ADAMTS14: variants seen among roughly 807,000 people sequenced by gnomAD.
The protein encoded by ADAMTS14 is A disintegrin and metalloproteinase with thrombospondin motifs 14.
In ADAMTS14, 100 loss-of-function variants were observed where a neutral mutation model predicts 128.6. The ratio of observed to expected loss-of-function variants is 0.78; its 90% confidence interval spans 0.66 to 0.92. The LOEUF (loss-of-function observed/expected upper bound fraction) is 0.92, where lower values mean the gene tolerates loss of function less well. ADAMTS14 is among the 40% of genes least tolerant of loss of function. The pLI, the probability that ADAMTS14 is intolerant of heterozygous loss-of-function variation, is 0.00. For synonymous variants in ADAMTS14, 665 were observed against 653.8 expected (o/e 1.02, Z -0.26); for missense variants, 1,562 against 1,658.6 (o/e 0.94, Z 1.01).
chr10:70,711,314 C>CA (rs983870435), intron 4 of ADAMTS14, among the ~76,000 whole-genome samples: 14 of 152,242 alleles, frequency 9.2e-5, no homozygotes, highest in East Asian at 1.9e-4. Flanking sequence ...GGTTCCCAGG[C>CA]AAAATCTCCC....
chr10:70,726,562 G>A lies in ADAMTS14; in HGVS notation c.871-2732G>A, dbSNP rs114035872. 2.8e-3 allele frequency among the ~76,000 whole-genome samples: 419 copies of A among 152,264 alleles called. 1 individual carries two copies. The highest frequency in any genetic ancestry group is 9.3e-3 in the African/African-American group (386 of 41,528). On this transcript the variant is annotated intron_variant, in intron 4 of 21. Transcript: ENST00000373207. ...CAGAGCGTGCATTGCCTGTGATCCT[G>A]TCCTTAGTCTGCTTATAGTGCACTC...
At chr10:70,698,335 G>A (rs11595345) in intron 2 of ADAMTS14, among the ~76,000 whole-genome samples, 29,317 of 152,176 alleles carry the variant, frequency 0.19, 3,523 homozygotes, top group Non-Finnish European at 0.27. Flanking sequence ...TGAGAGACGG[G>A]AGTACTTTAA....
intron 1 of ADAMTS14, among the ~76,000 whole-genome samples, chr10:70,674,081 T>A (rs1254188211): frequency 6.6e-6 from 1 of 151,946 alleles, no homozygotes; most frequent in Non-Finnish European, 1.5e-5. Flanking sequence ...GTCCCCTGGG[T>A]TTCTAGGTGT....
chr10:70,749,608 A>AGTGT (rs72483126), intron 15 of ADAMTS14, among the ~76,000 whole-genome samples: 5,413 of 147,814 alleles, frequency 0.037, 264 homozygotes, highest in Admixed American at 0.13. Flanking sequence ...AGGCAGCAAG[A>AGTGT]GTGTGTGTGT....
At chr10:70,729,398 G>T (rs773662072) in intron 5 of ADAMTS14, 21 bp downstream of exon 5, 1 of 1,604,928 alleles carries the variant, frequency 6.2e-7, no homozygotes. Flanking sequence ...TTGTCAGCAG[G>T]CAGGGTTTGC....
chr10:70,681,700 G>A (rs10999469), intron 2 of ADAMTS14, among the ~76,000 whole-genome samples: 34,471 of 152,126 alleles, frequency 0.23, 4,173 homozygotes, highest in Middle Eastern at 0.32. Context: ...GCTGCGGGTC[G>A]GCTCCACATT....
chr10:70,757,951 A>G lies in ADAMTS14; in HGVS notation c.2938-11A>G. On this transcript the variant is annotated splice_polypyrimidine_tract_variant and intron_variant, in intron 19 of 21. Coordinates refer to ENST00000373207, the MANE Select transcript of ADAMTS14 (RefSeq NM_080722.4). ...CGGCCGCTATGCCTGGCACTGACCC[A>G]CCCACGGCAGTGCTCTGCCACCTGT... 1 of 1,601,736 alleles carries G rather than the reference A, an allele frequency of 6.2e-7. No individual in the cohort carries two copies. The highest frequency in any genetic ancestry group is 8.5e-7 in the Non-Finnish European group (1 of 1,174,584).
chr10:70,722,733 T>C (rs10999485), intron 4 of ADAMTS14, among the ~76,000 whole-genome samples: 26,199 of 152,182 alleles, frequency 0.17, 2,750 homozygotes, highest in Non-Finnish European at 0.24. Context: ...ACCAAAGCTG[T>C]GACAATTTGA....
chr10:70,704,377 C>T (rs1005239188), intron 3 of ADAMTS14, among the ~76,000 whole-genome samples: 1 of 152,024 alleles, frequency 6.6e-6, no homozygotes. Context: ...CACACTGACA[C>T]CCACACTCAC....
At chr10:70,728,307 T>G (rs1228117546) in intron 4 of ADAMTS14, among the ~76,000 whole-genome samples, 1 of 152,244 alleles carries the variant, frequency 6.6e-6, no homozygotes, top group East Asian at 1.9e-4. Context: ...TGTACACACG[T>G]GGCATGATGC....
In ADAMTS14 at chr10:70,735,234, G is replaced by A; in HGVS notation, c.1418G>A (p.Gly473Glu). The part of the protein sequence containing the change: ...PAWPQPPELP[G>E]INYSMDEQCR... ...TGGCCCCAGCCCCCAGAGCTGCCTG[G>A]GATCAACTACTCAATGGATGAGCAG... Residue 473 changes from glycine (G) to glutamate (E), a missense_variant, in exon 9 of 22, where the codon GGG becomes GAG. Transcript: ENST00000373207. 15 of 1,614,064 alleles carry A rather than the reference G, an allele frequency of 9.3e-6. No individual in the cohort carries two copies. Among genetic ancestry groups the A allele is most frequent in the Non-Finnish European group, 1.3e-5 (15 of 1,179,984 alleles).
intron 19 of ADAMTS14, among the ~76,000 whole-genome samples, chr10:70,756,047 G>T (rs1404464956): frequency 1.3e-5 from 2 of 152,150 alleles, no homozygotes; most frequent in Admixed American, 6.5e-5. Flanking sequence ...CAAGAAAAAT[G>T]AACAGGCCTG....
chr10:70,707,611 G>A (rs537544942), intron 3 of ADAMTS14, among the ~76,000 whole-genome samples: 3 of 152,258 alleles, frequency 2.0e-5, no homozygotes, highest in South Asian at 2.1e-4. Flanking sequence ...TCTACGTGGC[G>A]GCATAGATGG....
chr10:70,684,467 T>C (rs76311542), intron 2 of ADAMTS14, among the ~76,000 whole-genome samples: 1 of 152,226 alleles, frequency 6.6e-6, no homozygotes, highest in East Asian at 1.9e-4. Flanking sequence ...TAAAGTCTCA[T>C]TGTAAAGAGA....
chr10:70,708,799 G>T (rs376240741), intron 4 of ADAMTS14, 21 bp downstream of exon 4: 2 of 1,505,252 alleles, frequency 1.3e-6, no homozygotes, highest in African/African-American at 1.4e-5. Context: ...ATGTGTCCTA[G>T]GACTTGGGGG....
rs1408637279 is a variant in ADAMTS14 at position 70,743,971 on chromosome 10, T to G, written c.2059-95T>G. The G allele has an allele frequency of 3.4e-6, 5 of 1,467,688 alleles. No homozygotes were observed. In the African/African-American group the frequency reaches 7.0e-5, roughly 21 times the overall value. 90.9% of individuals were successfully genotyped at this position (1,467,688 alleles called of 1,614,324 possible). ...AGGGACATCTCCCAGGCCAGAGGTC[T>G]TCTCCTGACCAGGGCCTGGGGATGG... On this transcript the variant is annotated intron_variant, in intron 13 of 21. Coordinates refer to ENST00000373207, the MANE Select transcript of ADAMTS14 (RefSeq NM_080722.4).
At chr10:70,735,448 C>A in intron 9 of ADAMTS14, 147 bp downstream of exon 9, 1 of 1,216,576 alleles carries the variant, frequency 8.2e-7, no homozygotes, top group Non-Finnish European at 1.1e-6. Flanking sequence ...AGCCACCATG[C>A]AGGGATGCAG....
rs79466507 is a variant in ADAMTS14 at position 70,754,325 on chromosome 10, C to A, written c.2937+318C>A. On this transcript the variant is annotated intron_variant, in intron 19 of 21. Transcript: ENST00000373207. Reference sequence around the variant, plus strand: ...GCTGAGCACTAGCTGTATGCCAGACCTTGTACTAAGAATGAGGGAACCTAG... The same window carrying A: ...GCTGAGCACTAGCTGTATGCCAGACATTGTACTAAGAATGAGGGAACCTAG... Among the ~76,000 whole-genome samples the A allele has an allele frequency of 3.3e-3, 500 of 152,300 alleles. 1 individual carries two copies. The highest frequency in any genetic ancestry group is 4.9e-3 in the Non-Finnish European group (331 of 68,028).
chr10:70,708,496 C>A, intron 3 of ADAMTS14, 92 bp from the exon 4 acceptor site: 1 of 1,142,440 alleles, frequency 8.8e-7, no homozygotes, highest in Non-Finnish European at 1.2e-6. Context: ...AAAGGGGCAC[C>A]AGTGATGGGG....
Sources: gnomAD v4.1 joint callset for allele counts (sites outside exome capture counted in the v4.1 genomes callset) on GRCh38, gnomAD v4.1.1 for gene constraint, MANE v1.5 for transcripts, NCBI Gene and HGNC (gene_info 2026-07-23, HGNC 2026-07-21) for gene names.